Variants in SNAPC1 observed in about 807,000 individuals in gnomAD.
SNAPC1 encodes the protein snRNA-activating protein complex subunit 1.
Under a neutral mutation model 50.1 loss-of-function variants are expected in SNAPC1, and 42 were observed. That is an observed-to-expected ratio of 0.84 (90% CI 0.65 to 1.08). The LOEUF (loss-of-function observed/expected upper bound fraction) is 1.08. SNAPC1 is among the 50% of genes least tolerant of loss of function. The probability of loss-of-function intolerance (pLI) is 0.00; values close to 1 mark genes in which losing one functional copy is unlikely to be tolerated. For synonymous variants in SNAPC1, 164 were observed against 144.2 expected (o/e 1.14, Z -0.98); for missense variants, 477 against 427.3 (o/e 1.12, Z -1.02).
intron 4 of SNAPC1, among the ~76,000 whole-genome samples, chr14:61,772,963 C>G (rs763022368): frequency 3.9e-5 from 6 of 152,114 alleles, no homozygotes; most frequent in Non-Finnish European, 8.8e-5. Flanking sequence ...AGAGCCTTGT[C>G]CCTTGATACT....
At chr14:61,770,738 A>T (rs28657906) in intron 4 of SNAPC1, among the ~76,000 whole-genome samples, 23,214 of 151,848 alleles carry the variant, frequency 0.15, 2,156 homozygotes, top group South Asian at 0.32. Context: ...ATACATATGG[A>T]TCCTTTTTTT....
At chr14:61,783,787 C>G (rs2045095867) in intron 8 of SNAPC1, among the ~76,000 whole-genome samples, 1 of 152,146 alleles carries the variant, frequency 6.6e-6, no homozygotes, top group African/African-American at 2.4e-5. Context: ...ATTCGCCCGC[C>G]TTGACCTCCC....
intron 8 of SNAPC1, among the ~76,000 whole-genome samples, chr14:61,792,506 AC>A (rs2045159651): frequency 6.6e-6 from 1 of 152,180 alleles, no homozygotes; most frequent in African/African-American, 2.4e-5. Context: ...TGCAGATATA[AC>A]CCCTGTCATG....
intron 8 of SNAPC1, among the ~76,000 whole-genome samples, chr14:61,790,666 T>A (rs2045145683): frequency 6.6e-6 from 1 of 152,172 alleles, no homozygotes; most frequent in Non-Finnish European, 1.5e-5. Context: ...ACCAACTTTT[T>A]CTCACATGTC....
intron 1 of SNAPC1, among the ~76,000 whole-genome samples, chr14:61,764,326 A>G (rs1283324668): frequency 6.6e-6 from 1 of 152,226 alleles, no homozygotes; most frequent in African/African-American, 2.4e-5. Context: ...TCTGAACAAA[A>G]TGTAAAAACT....
In SNAPC1 at chr14:61,783,284, G is replaced by A. The variant is rs371917316; in HGVS notation, c.976+887G>A. 2.4e-3 allele frequency among the ~76,000 whole-genome samples: 358 copies of A among 151,830 alleles called. 1 individual carries two copies. The highest frequency in any genetic ancestry group is 8.1e-3 in the African/African-American group (334 of 41,436). ...GACCTCAGGTGATCCACCTGCCTTG[G>A]CTTCCCAAAGTGCTGAGATTACAGG... is the stretch of plus-strand genomic sequence containing the variant. On this transcript the variant is annotated intron_variant, in intron 8 of 9. Coordinates refer to ENST00000216294, the MANE Select transcript of SNAPC1 (RefSeq NM_003082.4).
intron 1 of SNAPC1, among the ~76,000 whole-genome samples, chr14:61,763,967 C>T (rs1468362334): frequency 1.3e-5 from 2 of 152,070 alleles, no homozygotes. Context: ...CATAGTCTTG[C>T]TCTGTCACCC....
chr14:61,764,802 G>A (rs575567683), intron 1 of SNAPC1, among the ~76,000 whole-genome samples: 1 of 152,174 alleles, frequency 6.6e-6, no homozygotes, highest in South Asian at 2.1e-4. Flanking sequence ...AATTACTTTG[G>A]TTACCGTAAC....
chr14:61,792,972 C>T (rs984390267), intron 9 of SNAPC1, 70 bp downstream of exon 9: 1 of 732,890 alleles, frequency 1.4e-6, no homozygotes, highest in Non-Finnish European at 2.3e-6. Flanking sequence ...AGGTTTAGAA[C>T]CCTTGAGGAA....
intron 1 of SNAPC1, among the ~76,000 whole-genome samples, chr14:61,765,554 A>T (rs1361857937): frequency 6.6e-6 from 1 of 152,200 alleles, no homozygotes; most frequent in Non-Finnish European, 1.5e-5. Context: ...GATTGGTGAT[A>T]CACAAATGCT....
At chr14:61,772,161 A>T (rs555533277) in intron 4 of SNAPC1, among the ~76,000 whole-genome samples, 1 of 152,056 alleles carries the variant, frequency 6.6e-6, no homozygotes, top group East Asian at 1.9e-4. Context: ...CAGTAGGGTG[A>T]TCGTAGCTCA....
At chr14:61,766,577 A>T (rs537270899) in intron 1 of SNAPC1, among the ~76,000 whole-genome samples, 18 of 152,354 alleles carry the variant, frequency 1.2e-4, no homozygotes, top group African/African-American at 3.4e-4. Context: ...CTGTAACATA[A>T]CCATGATTAT....
intron 1 of SNAPC1, 145 bp downstream of exon 1, chr14:61,762,733 C>G: frequency 1.1e-6 from 1 of 888,726 alleles, no homozygotes; most frequent in Non-Finnish European, 1.7e-6. Flanking sequence ...GGACCTTCCC[C>G]TGTGCTCAGG....
intron 4 of SNAPC1, among the ~76,000 whole-genome samples, chr14:61,775,695 A>T (rs564864804): frequency 1.3e-5 from 2 of 152,360 alleles, no homozygotes; most frequent in South Asian, 4.1e-4. Context: ...ATAAAGGACT[A>T]TGTAAATATT....
chr14:61,787,022 A>G (rs2045119421), intron 8 of SNAPC1, among the ~76,000 whole-genome samples: 1 of 152,242 alleles, frequency 6.6e-6, no homozygotes, highest in African/African-American at 2.4e-5. Flanking sequence ...GCTCTGTGAA[A>G]GAAGACAGAC....
At position 61,770,372 on chromosome 14, in the gene SNAPC1, A is replaced by C. The variant is rs2044979358; in HGVS notation, c.534+1632A>C. On this transcript the variant is annotated intron_variant, in intron 4 of 9. Coordinates refer to ENST00000216294, the MANE Select transcript of SNAPC1 (RefSeq NM_003082.4). ...ATTCTTGTGTCTCAACCCACTGAGT[A>C]GCTGGGATTACAGTTGTGCACCACC... 2.0e-5 allele frequency among the ~76,000 whole-genome samples: 3 copies of C among 151,650 alleles called. No homozygotes were observed. The South Asian group carries it at 6.2e-4, about 32-fold the overall frequency.
At chr14:61,790,107 A>G (rs1566593909) in intron 8 of SNAPC1, among the ~76,000 whole-genome samples, 1 of 152,226 alleles carries the variant, frequency 6.6e-6, no homozygotes, top group Non-Finnish European at 1.5e-5. Context: ...CAATGACACA[A>G]TAAAGATTTC....
At chr14:61,788,615 T>A (rs866376662) in intron 8 of SNAPC1, among the ~76,000 whole-genome samples, 1 of 152,148 alleles carries the variant, frequency 6.6e-6, no homozygotes. Flanking sequence ...ATTAAAGATA[T>A]ATAAATTAAA....
chr14:61,783,165 G>A (rs1425204189), intron 8 of SNAPC1, among the ~76,000 whole-genome samples: 1 of 151,516 alleles, frequency 6.6e-6, no homozygotes, highest in Admixed American at 6.6e-5. Flanking sequence ...TGGGACTACA[G>A]GCACCTGCCA....
Sources: gnomAD v4.1 joint callset for allele counts (sites outside exome capture counted in the v4.1 genomes callset) on GRCh38, gnomAD v4.1.1 for gene constraint, MANE v1.5 for transcripts, NCBI Gene and HGNC (gene_info 2026-07-23, HGNC 2026-07-21) for gene names.